The following SYNE1 variants were observed in gnomAD, a reference collection of about 807,000 sequenced individuals.
SYNE1 encodes nesprin-1.
Under a neutral mutation model 1,111.0 loss-of-function variants are expected in SYNE1, and 616 were observed. The ratio of observed to expected loss-of-function variants is 0.55; its 90% confidence interval spans 0.52 to 0.59. The LOEUF is 0.59. SYNE1 is among the 20% of genes least tolerant of loss of function. The probability of loss-of-function intolerance (pLI) is 0.00; values close to 1 mark genes in which losing one functional copy is unlikely to be tolerated. For missense variants in SYNE1, 10,006 were observed against 10,417.0 expected, an observed-to-expected ratio of 0.96 and a Z score of 1.72; for synonymous variants, 3,855 against 3,825.8, an observed-to-expected ratio of 1.01 and a Z score of -0.28.
chr6:152,155,466 G>A lies in SYNE1; in HGVS notation c.23979-424C>T, dbSNP rs150943264. The A allele has an allele frequency of 2.6e-3, 797 of 309,840 alleles. 7 individuals carry two copies. Among genetic ancestry groups the A allele is most frequent in the African/African-American group, 0.017 (762 of 46,054 alleles). 19.2% of individuals were successfully genotyped at this position (309,840 alleles called of 1,614,324 possible). A position where few individuals can be genotyped will look rare whatever the true frequency, so the allele number is the denominator to read the frequency against. On this transcript the variant is annotated intron_variant, in intron 132 of 145. Transcript: ENST00000367255. The stretch of plus-strand genomic sequence containing the variant: ...GACAAAAGTTAATCTATGACAGCAG[G>A]ACAAATATTAAGCTTTCAACAGTTT...
Position 152,377,608 on chromosome 6 carries a change from T to TAA in SYNE1, c.9010-698_9010-697dup, listed in dbSNP as rs869031827. Among the ~76,000 whole-genome samples, 94 of 31,324 alleles carry TAA rather than the reference T, an allele frequency of 3.0e-3. 5 individuals carry two copies. The highest frequency in any genetic ancestry group is 4.8e-3 in the Non-Finnish European group (77 of 16,186). 20.5% of individuals were successfully genotyped at this position (31,324 alleles called of 152,430 possible). A position where few individuals can be genotyped will look rare whatever the true frequency, so the allele number is the denominator to read the frequency against. ...TGGGGGACAGAACGAAACTCCGTCT[T>TAA]AAAAAAAAAAAAAAAAAAAAAAAAA... On this transcript the variant is annotated intron_variant, in intron 56 of 145. Transcript: ENST00000367255.
intron 106 of SYNE1, among the ~76,000 whole-genome samples, chr6:152,243,451 T>G (rs184185480): frequency 4.4e-4 from 67 of 152,310 alleles, no homozygotes; most frequent in African/African-American, 1.5e-3. Flanking sequence ...AAAATTTATT[T>G]GAGGCATACG....
At chr6:152,611,209 TAAAG>T (rs1404898570) in intron 3 of SYNE1, among the ~76,000 whole-genome samples, 1 of 152,044 alleles carries the variant, frequency 6.6e-6, no homozygotes, top group Non-Finnish European at 1.5e-5. Context: ...ACAAATTGTA[TAAAG>T]AGTCAAGACC....
intron 3 of SYNE1, among the ~76,000 whole-genome samples, chr6:152,555,838 C>A (rs2099363345): frequency 6.6e-6 from 1 of 151,980 alleles, no homozygotes; most frequent in African/African-American, 2.4e-5. Flanking sequence ...GAATCTACAT[C>A]CAGAGTAAGC....
intron 137 of SYNE1, 167 bp from the exon 138 acceptor site, chr6:152,143,932 A>G (rs2058986417): frequency 2.0e-6 from 2 of 976,858 alleles, no homozygotes; most frequent in Non-Finnish European, 3.1e-6. Flanking sequence ...TGGGTTAGAC[A>G]TTAAAATGGC....
Position 152,556,106 on chromosome 6 carries a change from G to T in SYNE1, c.68-16085C>A, listed in dbSNP as rs1330720477. 2.0e-5 allele frequency among the ~76,000 whole-genome samples: 3 copies of T among 152,262 alleles called. No homozygotes were observed. The East Asian group carries it at 5.8e-4, about 29-fold the overall frequency. ...GAAAACAAAGTGATATCAGCAAGATGGCATAATAGCAGTTTCCAGTGCTCA... is the reference window on the plus strand; with the variant it reads ...GAAAACAAAGTGATATCAGCAAGATTGCATAATAGCAGTTTCCAGTGCTCA... On this transcript the variant is annotated intron_variant, in intron 3 of 145. Coordinates refer to ENST00000367255, the MANE Select transcript of SYNE1 (RefSeq NM_182961.4).
chr6:152,323,813 A>G lies in SYNE1; in HGVS notation c.15658-76T>C, dbSNP rs534495903. ...AAATAGGGTAACTCCCATAAAAGCCACACACTAGTGTATGAAGCCAATTAA... is the reference window on the plus strand; with the variant it reads ...AAATAGGGTAACTCCCATAAAAGCCGCACACTAGTGTATGAAGCCAATTAA... On this transcript the variant is annotated intron_variant, in intron 81 of 145. Coordinates refer to ENST00000367255, the MANE Select transcript of SYNE1 (RefSeq NM_182961.4). 1.1e-4 allele frequency: 162 copies of G among 1,528,404 alleles called. No individual in the cohort carries two copies. The South Asian group carries it at 1.4e-3, about 13-fold the overall frequency. 94.7% of individuals were successfully genotyped at this position (1,528,404 alleles called of 1,614,324 possible).
intron 11 of SYNE1, among the ~76,000 whole-genome samples, chr6:152,494,028 C>G (rs1375320785): frequency 6.6e-6 from 1 of 152,156 alleles, no homozygotes; most frequent in Non-Finnish European, 1.5e-5. Flanking sequence ...ACTGTGCAGT[C>G]AGAATTCTTA....
At chr6:152,309,238 G>A (rs988353600) in intron 90 of SYNE1, among the ~76,000 whole-genome samples, 1 of 152,166 alleles carries the variant, frequency 6.6e-6, no homozygotes, top group African/African-American at 2.4e-5. Flanking sequence ...AAGATAACAG[G>A]GAGGAAAGGG....
intron 128 of SYNE1, among the ~76,000 whole-genome samples, chr6:152,187,832 T>A (rs113734748): frequency 0.033 from 5,085 of 152,142 alleles, 254 homozygotes; most frequent in African/African-American, 0.11. Context: ...TTCAAGTGAT[T>A]TTCCTGCCTC....
chr6:152,410,308 C>T (rs1273590617), intron 42 of SYNE1: 2 of 152,286 alleles, frequency 1.3e-5, no homozygotes, highest in Admixed American at 1.3e-4. Context: ...TGCACTTTCT[C>T]TCATTTGATC....
chr6:152,448,882 G>A lies in SYNE1; in HGVS notation c.3504+651C>T, dbSNP rs372377245. Among the ~76,000 whole-genome samples, 3 of 150,030 alleles carry A rather than the reference G, an allele frequency of 2.0e-5. No homozygotes were observed. In the East Asian group the frequency reaches 6.2e-4, roughly 31 times the overall value. Reference sequence around the variant, plus strand: ...CAAACAAACAAACACTCAAAGGACAGGAACAGAAAGGAAATATATTCTCCC... The same window carrying A: ...CAAACAAACAAACACTCAAAGGACAAGAACAGAAAGGAAATATATTCTCCC... On this transcript the variant is annotated intron_variant, in intron 28 of 145. Transcript: ENST00000367255.
rs1313354894 is a variant in SYNE1 at position 152,334,249 on chromosome 6, T to G, written c.12553A>C (p.Lys4185Gln). 2.5e-6 allele frequency: 4 copies of G among 1,613,864 alleles called. No individual in the cohort carries two copies. The East Asian group carries it at 8.9e-5, about 36-fold the overall frequency. The change falls in exon 77 of 146, where the codon AAA (lysine) becomes CAA (glutamine). Residue 4185 changes from lysine to glutamine, a missense_variant. Coordinates refer to ENST00000367255, the MANE Select transcript of SYNE1 (RefSeq NM_182961.4). ...ATTATGGTGTTCACGGATGCCTGTT[T>G]GCTCTGTAGTTTCTTAACAAAATCC... ...VKDFVKKLQSKQASVNTIIEK... is the reference protein window; with the variant it reads ...VKDFVKKLQSQQASVNTIIEK...
intron 41 of SYNE1, among the ~76,000 whole-genome samples, chr6:152,415,481 TC>T (rs2098136713): frequency 6.6e-6 from 1 of 152,154 alleles, no homozygotes; most frequent in Admixed American, 6.5e-5. Context: ...CCATTTTCTT[TC>T]CTCCAACATC....
rs1220962535 is a variant in SYNE1 at position 152,462,792 on chromosome 6, A to G, written c.2196T>C (p.Ser732=). The G allele has an allele frequency of 6.2e-7, 1 of 1,613,954 alleles. No individual in the cohort carries two copies. Among genetic ancestry groups the G allele is most frequent in the African/African-American group, 1.3e-5 (1 of 74,936 alleles). ...TCATAAAAGAGACTTCTAAGGGTTC[A>G]GAAAGTTTCTTATGGGCTTCCGTTG... ...AFATEAHKKL[S]EPLEVSFMNV... is the part of the protein sequence containing the mutation. The change falls in exon 20 of 146, where the codon TCT becomes TCC. Residue 732 remains serine (S), a synonymous_variant. Transcript: ENST00000367255.
rs770471477 is a variant in SYNE1, at chr6:152,376,940, C to T, written c.9010-28G>A. 2.6e-5 allele frequency: 42 copies of T among 1,612,060 alleles called. 1 individual carries two copies. Among genetic ancestry groups the T allele is most frequent in the Middle Eastern group, 3.3e-4 (2 of 6,056 alleles). The stretch of plus-strand genomic sequence containing the variant: ...GTTCAGAAATAATGAGACAAAGAAG[C>T]GAGCACTTACATTGGGTGATCTCCA... On this transcript the variant is annotated intron_variant, in intron 56 of 145. Coordinates refer to ENST00000367255, the MANE Select transcript of SYNE1 (RefSeq NM_182961.4).
At chr6:152,371,420 C>T (rs1024103523) in intron 59 of SYNE1, among the ~76,000 whole-genome samples, 16 of 151,532 alleles carry the variant, frequency 1.1e-4, no homozygotes, top group Admixed American at 3.3e-4. Context: ...CTGAGGCCTC[C>T]CCAGCCCTGC....
At chr6:152,286,554 T>C (rs2094339137) in intron 95 of SYNE1, among the ~76,000 whole-genome samples, 1 of 152,216 alleles carries the variant, frequency 6.6e-6, no homozygotes, top group Non-Finnish European at 1.5e-5. Context: ...TGGAATCTCA[T>C]TGTAATTTTA....
At chr6:152,462,575 G>T in intron 20 of SYNE1, 163 bp downstream of exon 20, 2 of 723,034 alleles carry the variant, frequency 2.8e-6, no homozygotes, top group Non-Finnish European at 4.6e-6. Context: ...TCTTTTTTAT[G>T]TTCAATACAT....
Sources: gnomAD v4.1 joint callset for allele counts (sites outside exome capture counted in the v4.1 genomes callset) on GRCh38, gnomAD v4.1.1 for gene constraint, MANE v1.5 for transcripts, NCBI Gene and HGNC (gene_info 2026-07-23, HGNC 2026-07-21) for gene names.